The following SLC52A3 variants were observed in gnomAD, a reference collection of about 807,000 sequenced individuals.
SLC52A3 encodes the protein solute carrier family 52 member 3, also known as solute carrier family 52, riboflavin transporter, member 3.
SLC52A3 carries 20 observed loss-of-function variants against 29.5 expected under a neutral mutation model. That is an observed-to-expected ratio of 0.68 (90% CI 0.48 to 0.99). SLC52A3 has a LOEUF of 0.99. Among genes scored for constraint, SLC52A3 ranks in the 50% least tolerant of loss-of-function variants. SLC52A3 has a pLI of 0.00. For synonymous variants in SLC52A3, 301 were observed against 271.0 expected, an observed-to-expected ratio of 1.11 and a Z score of -1.09; for missense variants, 548 against 612.9, an observed-to-expected ratio of 0.89 and a Z score of 1.12.
upstream of SLC52A3, among the ~76,000 whole-genome samples, chr20:776,858 G>T (rs896078603): frequency 7.8e-5 from 5 of 63,886 alleles, no homozygotes; most frequent in East Asian, 1.5e-3. Context: ...ATCGCTTTTG[G>T]GGGGGGGGCC....
rs1172082058 is a variant in SLC52A3, at chr20:760,922, A to G, written c.*104T>C. 50 of 1,204,530 alleles carry G rather than the reference A, an allele frequency of 4.2e-5. No homozygotes were observed. The highest frequency in any genetic ancestry group is 6.1e-5 in the African/African-American group (4 of 66,038). 74.6% of individuals were successfully genotyped at this position (1,204,530 alleles called of 1,614,324 possible). A position where few individuals can be genotyped will look rare whatever the true frequency, so the allele number is the denominator to read the frequency against. On this transcript the variant is annotated 3_prime_UTR_variant, in exon 5 of 5. Transcript: ENST00000645534. The surrounding 1 kb of genome is among the most constrained non-coding windows in gnomAD (Gnocchi z 4.9). ...AGTGGGCACTTGCGTTCATGATTCA[A>G]TTACTCAGGCTCTGTCTCTCTGTTC...
chr20:767,804 C>A (rs1036944078), intron 1 of SLC52A3, among the ~76,000 whole-genome samples: 1 of 152,190 alleles, frequency 6.6e-6, no homozygotes, highest in Non-Finnish European at 1.5e-5. Flanking sequence ...CCTTTGGAGA[C>A]CACTTCCTCT....
At chr20:773,648 C>T (rs936634432) in intron 1 of SLC52A3, among the ~76,000 whole-genome samples, 14 of 152,126 alleles carry the variant, frequency 9.2e-5, no homozygotes, top group African/African-American at 3.4e-4. Context: ...TCCCAAGGAT[C>T]CAGGACCCCT....
In SLC52A3 at chr20:765,789, T is replaced by C. The variant is rs762170146; in HGVS notation, c.-15A>G. The C allele has an allele frequency of 7.4e-7, 1 of 1,355,068 alleles. No individual in the cohort carries two copies. The highest frequency in any genetic ancestry group is 1.0e-6 in the Non-Finnish European group (1 of 985,952). 83.9% of individuals were successfully genotyped at this position (1,355,068 alleles called of 1,614,324 possible). A position where few individuals can be genotyped will look rare whatever the true frequency, so the allele number is the denominator to read the frequency against. Reference sequence around the variant, plus strand: ...AGGAAGGCCATGGCGGTATCTGCCCTGGGCCAGAGGCTTTCTCAGATCAGC... The same window carrying C: ...AGGAAGGCCATGGCGGTATCTGCCCCGGGCCAGAGGCTTTCTCAGATCAGC... On this transcript the variant is annotated 5_prime_UTR_variant, in exon 2 of 5. Coordinates refer to ENST00000645534, the MANE Select transcript of SLC52A3 (RefSeq NM_033409.4). The surrounding 1 kb of genome is among the most constrained non-coding windows in gnomAD (Gnocchi z 6.6).
At position 765,217 on chromosome 20, in the gene SLC52A3, G is replaced by T; in HGVS notation, c.558C>A (p.Asp186Glu). 6.2e-7 allele frequency: 1 copy of T among 1,614,182 alleles called. No homozygotes were observed. The highest frequency in any genetic ancestry group is 8.5e-7 in the Non-Finnish European group (1 of 1,180,034). The change falls in exon 2 of 5, where the codon GAC becomes GAA. Residue 186 changes from aspartate to glutamate, a missense_variant. Physicochemically the swap from Asp to Glu is conservative, Grantham distance 45. Around this residue, in one of 2 missense-constraint regions of SLC52A3, gnomAD observed 375 missense variants for 471.1 expected, o/e 0.80. Transcript: ENST00000645534. This position sits in a 1 kb window ranked among gnomAD's most constrained non-coding sequence, Gnocchi z 6.6. ...GGGTGATGCTGGGTACCTGTGCGAT[G>T]TCAGTCTCCCTCGTGGGTACAGGGC... ...VPSPVPTRET[D>E]IAQGVPRALV... is the part of the protein sequence containing the mutation.
Position 765,797 on chromosome 20 carries a change from A to G in SLC52A3, c.-23T>C. 6.2e-7 allele frequency: 1 copy of G among 1,607,278 alleles called. No homozygotes were observed. Among genetic ancestry groups the G allele is most frequent in the Non-Finnish European group, 8.5e-7 (1 of 1,177,378 alleles). On this transcript the variant is annotated 5_prime_UTR_variant, in exon 2 of 5. Transcript: ENST00000645534. The surrounding 1 kb of genome is among the most constrained non-coding windows in gnomAD (Gnocchi z 6.6). ...CATGGCGGTATCTGCCCTGGGCCAGAGGCTTTCTCAGATCAGCCTGCAGCG... is the reference window on the plus strand; with the variant it reads ...CATGGCGGTATCTGCCCTGGGCCAGGGGCTTTCTCAGATCAGCCTGCAGCG...
chr20:779,727 C>G (rs555289779), upstream of SLC52A3, among the ~76,000 whole-genome samples: 3 of 152,348 alleles, frequency 2.0e-5, no homozygotes, highest in African/African-American at 7.2e-5. Context: ...AGACCTAGCA[C>G]ACATGGAGTT....
At chr20:768,737 G>T (rs8123900), upstream of SLC52A3, 13,541 of 152,380 alleles carry the variant, frequency 0.089, 652 homozygotes, top group South Asian at 0.13. Flanking sequence ...CTCCCTTCTG[G>T]GGGCCTCAGA....
rs1237121557 is a variant in SLC52A3 at position 765,538 on chromosome 20, C to T, written c.237G>A (p.Leu79=). The change falls in exon 2 of 5, where the codon CTG becomes CTA. Residue 79 remains leucine, a synonymous_variant. Coordinates refer to ENST00000645534, the MANE Select transcript of SLC52A3 (RefSeq NM_033409.4). This position sits in a 1 kb window ranked among gnomAD's most constrained non-coding sequence, Gnocchi z 6.6. ...LSEVPIIFTL[L]GVGTVTCIIF... Reference sequence around the variant, plus strand: ...TGATGCAGGTGACGGTTCCCACGCCCAGCAGGGTGAAGATGATGGGCACTT... The same window carrying T: ...TGATGCAGGTGACGGTTCCCACGCCTAGCAGGGTGAAGATGATGGGCACTT... 1 of 1,576,324 alleles carries T rather than the reference C, an allele frequency of 6.3e-7. No individual in the cohort carries two copies. Among genetic ancestry groups the T allele is most frequent in the Non-Finnish European group, 8.6e-7 (1 of 1,160,854 alleles).
upstream of SLC52A3, among the ~76,000 whole-genome samples, chr20:773,475 G>A (rs1007218167): frequency 6.6e-6 from 1 of 152,170 alleles, no homozygotes; most frequent in African/African-American, 2.4e-5. Context: ...ACCCAGCCCT[G>A]AGAAAGGCCT....
chr20:775,772 T>C (rs991747427), intron 1 of SLC52A3, among the ~76,000 whole-genome samples: 4 of 152,184 alleles, frequency 2.6e-5, no homozygotes, highest in African/African-American at 9.6e-5. Flanking sequence ...TTCCCTCCTA[T>C]CTCTTTGGAC....
At position 765,431 on chromosome 20, in the gene SLC52A3, A is replaced by C; in HGVS notation, c.344T>G (p.Leu115Arg). 2 of 1,613,462 alleles carry C rather than the reference A, an allele frequency of 1.2e-6. No individual in the cohort carries two copies. The highest frequency in any genetic ancestry group is 1.7e-6 in the Non-Finnish European group (2 of 1,179,682). Reference protein sequence around the residue: ...SIAFLVLTFFLALVDCTSSVT... With the variant: ...SIAFLVLTFFRALVDCTSSVT... ...TGAAGAGGTGCAGTCCACCAGGGCC[A>C]GGAAGAAGGTGAGGACCAAGAAGGC... The change falls in exon 2 of 5, where the codon CTG becomes CGG. Residue 115 changes from leucine (L) to arginine (R), a missense_variant. Physicochemically the swap from Leu to Arg is moderately radical, Grantham distance 102. Around this residue, in one of 2 missense-constraint regions of SLC52A3, gnomAD observed 375 missense variants for 471.1 expected, o/e 0.80. Transcript: ENST00000645534. This position sits in a 1 kb window ranked among gnomAD's most constrained non-coding sequence, Gnocchi z 6.6.
chr20:765,221 G>C lies in SLC52A3; in HGVS notation c.554C>G (p.Thr185Ser). The C allele has an allele frequency of 6.2e-7, 1 of 1,614,174 alleles. No individual in the cohort carries two copies. The highest frequency in any genetic ancestry group is 8.5e-7 in the Non-Finnish European group (1 of 1,180,016). Residue 185 changes from threonine to serine, a missense_variant, in exon 2 of 5, where the codon ACT becomes AGT. This residue lies in a region of SLC52A3 where 375 missense variants were observed against 471.1 expected (regional missense o/e 0.80). Transcript: ENST00000645534. The surrounding 1 kb of genome is among the most constrained non-coding windows in gnomAD (Gnocchi z 6.6). Reference sequence around the variant, plus strand: ...GATGCTGGGTACCTGTGCGATGTCAGTCTCCCTCGTGGGTACAGGGCTTGG... The same window carrying C: ...GATGCTGGGTACCTGTGCGATGTCACTCTCCCTCGTGGGTACAGGGCTTGG... ...SVPSPVPTRETDIAQGVPRAL... is the reference protein window; with the variant it reads ...SVPSPVPTRESDIAQGVPRAL...
In SLC52A3 at chr20:761,196, T is replaced by A; in HGVS notation, c.1240A>T (p.Lys414Ter). 6.4e-7 allele frequency: 1 copy of A among 1,563,308 alleles called. No individual in the cohort carries two copies. The highest frequency in any genetic ancestry group is 8.7e-7 in the Non-Finnish European group (1 of 1,155,150). The part of the protein sequence containing the change: ...VLFSGCLSYV[K>*]VMLGVVLRDL... ...CGCAGGACCACGCCCAGCATCACCT[T>A]GACGTAACTGAGGCAGCCGCTGAAA... The change falls in exon 5 of 5, where the codon AAG (lysine) becomes TAG (stop). Residue 414 changes from lysine (K) to a stop codon, truncating the protein, a stop_gained. Coordinates refer to ENST00000645534, the MANE Select transcript of SLC52A3 (RefSeq NM_033409.4). LOFTEE classifies it high-confidence loss of function.
upstream of SLC52A3, among the ~76,000 whole-genome samples, chr20:772,847 G>A (rs1986887461): frequency 6.6e-6 from 1 of 152,172 alleles, no homozygotes; most frequent in Non-Finnish European, 1.5e-5. Context: ...AGGACATGAA[G>A]GGAGTGTGGG....
chr20:760,979 G>A lies in SLC52A3; in HGVS notation c.*47C>T. On this transcript the variant is annotated 3_prime_UTR_variant, in exon 5 of 5. Coordinates refer to ENST00000645534, the MANE Select transcript of SLC52A3 (RefSeq NM_033409.4). This position sits in a 1 kb window ranked among gnomAD's most constrained non-coding sequence, Gnocchi z 4.9. ...CTTGCTCTGTGACCTGGCCTCTCTG[G>A]ACCCCAGTTCCGTCCGTGAGCGATG... The A allele has an allele frequency of 6.5e-7, 1 of 1,547,890 alleles. No homozygotes were observed. Among genetic ancestry groups the A allele is most frequent in the Non-Finnish European group, 8.8e-7 (1 of 1,142,360 alleles).
At chr20:776,580 C>T, upstream of SLC52A3, among the ~76,000 whole-genome samples, 1 of 152,280 alleles carries the variant, frequency 6.6e-6, no homozygotes, top group Non-Finnish European at 1.5e-5. Context: ...CAGAACTGGT[C>T]TCTGATGCAC....
rs934750283 is a variant in SLC52A3 at position 760,462 on chromosome 20, G to A, written c.*564C>T. 3 of 153,876 alleles carry A rather than the reference G, an allele frequency of 1.9e-5. No homozygotes were observed. The highest frequency in any genetic ancestry group is 1.9e-4 in the Admixed American group (3 of 15,676). The allele number at this position is 153,876 out of a possible 1,614,324, so 9.5% of individuals were successfully genotyped here. On this transcript the variant is annotated 3_prime_UTR_variant, in exon 5 of 5. Coordinates refer to ENST00000645534, the MANE Select transcript of SLC52A3 (RefSeq NM_033409.4). The surrounding 1 kb of genome is among the most constrained non-coding windows in gnomAD (Gnocchi z 4.9). Reference sequence around the variant, plus strand: ...TGAGACTGAGGGGCAAAGGAGAGAGGGCAGGGGCGTGTCTCAACCCTTCTG... The same window carrying A: ...TGAGACTGAGGGGCAAAGGAGAGAGAGCAGGGGCGTGTCTCAACCCTTCTG...
In SLC52A3 at chr20:765,180, T is replaced by G; in HGVS notation, c.567+28A>C. 6.2e-7 allele frequency: 1 copy of G among 1,612,660 alleles called. No homozygotes were observed. Among genetic ancestry groups the G allele is most frequent in the Non-Finnish European group, 8.5e-7 (1 of 1,178,704 alleles). ...CTACATTTGTGATAAAGCCAAGTGC[T>G]GAGATGGCTCCGGGTGATGCTGGGT... On this transcript the variant is annotated intron_variant, in intron 2 of 4. Coordinates refer to ENST00000645534, the MANE Select transcript of SLC52A3 (RefSeq NM_033409.4). The surrounding 1 kb of genome is among the most constrained non-coding windows in gnomAD (Gnocchi z 6.6).
Sources: gnomAD v4.1 joint callset for allele counts (sites outside exome capture counted in the v4.1 genomes callset) on GRCh38, gnomAD v4.1.1 for gene constraint, gnomAD v4.1.1 regional missense constraint, Gnocchi (gnomAD v3.1) non-coding constraint, MANE v1.5 for transcripts, NCBI Gene and HGNC (gene_info 2026-07-23, HGNC 2026-07-21) for gene names.